The following STARD13 variants were observed in gnomAD, a reference collection of about 807,000 sequenced individuals.
STARD13 encodes the protein stAR-related lipid transfer protein 13.
Under a neutral mutation model 106.4 loss-of-function variants are expected in STARD13, and 62 were observed. That is an observed-to-expected ratio of 0.58 (90% CI 0.48 to 0.72). The LOEUF (loss-of-function observed/expected upper bound fraction) is 0.72. STARD13 is among the 30% of genes least tolerant of loss of function. STARD13 has a pLI of 0.00. For missense variants in STARD13, 1,387 were observed against 1,424.0 expected (o/e 0.97, Z 0.42); for synonymous variants, 565 against 553.0 (o/e 1.02, Z -0.31).
At chr13:33,187,418 G>A (rs1035021687) in intron 1 of STARD13, among the ~76,000 whole-genome samples, 1 of 152,126 alleles carries the variant, frequency 6.6e-6, no homozygotes, top group Non-Finnish European at 1.5e-5. Flanking sequence ...CAGAAAGGGT[G>A]GAGAGTGAAA....
the STARD13 span, among the ~76,000 whole-genome samples, chr13:33,618,079 A>G: frequency 1.3e-5 from 2 of 152,210 alleles, no homozygotes; most frequent in Admixed American, 6.5e-5. Flanking sequence ...GATGAACAGA[A>G]AAAGGATTAG....
chr13:33,579,702 C>CA, the STARD13 span, among the ~76,000 whole-genome samples: 61 of 149,488 alleles, frequency 4.1e-4, no homozygotes, highest in African/African-American at 6.1e-4. Flanking sequence ...ACAAAATATA[C>CA]AAAAAAAACT....
intron 4 of STARD13, among the ~76,000 whole-genome samples, chr13:33,137,216 TAAG>T (rs1879172225): frequency 6.6e-6 from 1 of 152,114 alleles, no homozygotes; most frequent in African/African-American, 2.4e-5. Context: ...AAAAATAAAA[TAAG>T]AAAATCAGTC....
At chr13:33,121,567 CAAAAA>C (rs1240533382) in intron 7 of STARD13, among the ~76,000 whole-genome samples, 1 of 65,228 alleles carries the variant, frequency 1.5e-5, no homozygotes, top group African/African-American at 5.2e-5. Flanking sequence ...GACTCCACCT[CAAAAA>C]AAAAAAAAAA....
At chr13:33,507,205 A>T in the STARD13 span, among the ~76,000 whole-genome samples, 1 of 152,220 alleles carries the variant, frequency 6.6e-6, no homozygotes, top group African/African-American at 2.4e-5. Flanking sequence ...GCAGAAGCAG[A>T]TATAAAAATT....
intron 1 of STARD13, chr13:33,278,303 G>T: frequency 6.6e-6 from 1 of 152,142 alleles, no homozygotes; most frequent in South Asian, 2.1e-4. Flanking sequence ...TTGAATATCT[G>T]TCTAATGGGC....
intron 1 of STARD13, among the ~76,000 whole-genome samples, chr13:33,241,957 G>A (rs1259540735): frequency 2.6e-5 from 4 of 152,234 alleles, no homozygotes; most frequent in Non-Finnish European, 4.4e-5. Flanking sequence ...CTGTCCGGCC[G>A]CCACCCCGTC....
rs950502980 is a variant in STARD13, at chr13:33,349,123, T to C, written c.*26A>G. 7 of 702,186 alleles carry C rather than the reference T, an allele frequency of 1.0e-5. No homozygotes were observed. The African/African-American group carries it at 1.0e-4, about 11-fold the overall frequency. 43.5% of individuals were successfully genotyped at this position (702,186 alleles called of 1,614,324 possible). On this transcript the variant is annotated 3_prime_UTR_variant, in exon 2 of 2. Transcript: ENST00000439831. ...AAGGTTAAATCTCCCGCTTCACCAG[T>C]GGTGTCCTTTCCTTCTTTCTAGGCA...
chr13:33,255,328 A>C (rs1166289945), intron 1 of STARD13, among the ~76,000 whole-genome samples: 2 of 152,036 alleles, frequency 1.3e-5, no homozygotes, highest in African/African-American at 4.8e-5. Flanking sequence ...ATAAATCCTC[A>C]CCTTTAGGAT....
chr13:33,429,412 C>G, the STARD13 span, among the ~76,000 whole-genome samples: 1 of 151,906 alleles, frequency 6.6e-6, no homozygotes, highest in African/African-American at 2.4e-5. Context: ...CTGGCTAATA[C>G]GGTGAAACCC....
chr13:33,258,778 C>G (rs1463237697), intron 1 of STARD13, among the ~76,000 whole-genome samples: 1 of 152,206 alleles, frequency 6.6e-6, no homozygotes, highest in Admixed American at 6.5e-5. Flanking sequence ...AGTGACCTAT[C>G]TAGGCCTTTG....
At chr13:33,389,067 T>G in the STARD13 span, among the ~76,000 whole-genome samples, 2 of 151,256 alleles carry the variant, frequency 1.3e-5, no homozygotes, top group Non-Finnish European at 2.9e-5. Flanking sequence ...GCGATTCTCC[T>G]GCCTCAGCCT....
the STARD13 span, among the ~76,000 whole-genome samples, chr13:33,408,314 C>A: frequency 6.6e-6 from 1 of 152,066 alleles, no homozygotes; most frequent in Non-Finnish European, 1.5e-5. Context: ...TCCCCACTTT[C>A]CTCTCCCCTC....
At chr13:33,661,366 C>T in the STARD13 span, 7 of 152,212 alleles carry the variant, frequency 4.6e-5, no homozygotes, top group African/African-American at 1.7e-4. Context: ...ATTTGTGAGA[C>T]CAGCCAAGGG....
At chr13:33,590,268 A>C in the STARD13 span, among the ~76,000 whole-genome samples, 1 of 152,154 alleles carries the variant, frequency 6.6e-6, no homozygotes, top group Non-Finnish European at 1.5e-5. Context: ...AAACTAGTTC[A>C]ACCATTGCGG....
the STARD13 span, among the ~76,000 whole-genome samples, chr13:33,451,670 A>T: frequency 2.0e-5 from 3 of 152,226 alleles, no homozygotes; most frequent in Non-Finnish European, 4.4e-5. Context: ...AATATCAATG[A>T]TGTTTTAGCT....
chr13:33,163,809 A>G (rs2138355014), intron 3 of STARD13, among the ~76,000 whole-genome samples: 1 of 148,578 alleles, frequency 6.7e-6, no homozygotes, highest in East Asian at 1.9e-4. Flanking sequence ...CAAAAATTCA[A>G]TGGGAAAAAA....
the STARD13 span, among the ~76,000 whole-genome samples, chr13:33,475,622 C>G: frequency 1.3e-5 from 2 of 152,170 alleles, no homozygotes; most frequent in African/African-American, 4.8e-5. Flanking sequence ...TTTACAATTT[C>G]TAAACATAAA....
the STARD13 span, among the ~76,000 whole-genome samples, chr13:33,419,242 C>T: frequency 1.3e-5 from 2 of 152,126 alleles, no homozygotes; most frequent in Admixed American, 1.3e-4. Context: ...GAATGGGTAA[C>T]TAGAATAAAC....
Sources: allele counts gnomAD v4.1 joint callset (sites outside exome capture counted in the v4.1 genomes callset), GRCh38; gene constraint gnomAD v4.1.1; transcripts MANE v1.5; gene names NCBI Gene and HGNC (gene_info 2026-07-23, HGNC 2026-07-21).